LGR5: variants seen among roughly 807,000 people sequenced by gnomAD.
The protein encoded by LGR5 is leucine rich repeat containing G protein-coupled receptor 5.
In LGR5, 54 loss-of-function variants were observed where a neutral mutation model predicts 76.7. The ratio of observed to expected loss-of-function variants is 0.70; its 90% CI spans 0.57 to 0.88. LGR5 has a LOEUF of 0.88. Among genes scored for constraint, LGR5 ranks in the 40% least tolerant of loss-of-function variants. The pLI, the probability that LGR5 is intolerant of heterozygous loss-of-function variation, is 0.00. For synonymous variants in LGR5, 406 were observed against 421.9 expected (o/e 0.96, Z 0.46); for missense variants, 1,078 against 1,073.3 (o/e 1.00, Z -0.06).
intron 1 of LGR5, among the ~76,000 whole-genome samples, chr12:71,495,603 G>GT (rs1874277662): frequency 6.6e-6 from 1 of 151,208 alleles, no homozygotes; most frequent in Non-Finnish European, 1.5e-5. Context: ...TTATGAAGTA[G>GT]TTACTATTAT....
intron 6 of LGR5, 130 bp downstream of exon 6, chr12:71,556,820 T>C: frequency 2.8e-6 from 2 of 708,712 alleles, no homozygotes; most frequent in Non-Finnish European, 5.0e-6. Flanking sequence ...ATATTTACAG[T>C]GGCATTATCT....
At chr12:71,563,005 G>A (rs547175171) in intron 8 of LGR5, among the ~76,000 whole-genome samples, 12 of 152,192 alleles carry the variant, frequency 7.9e-5, no homozygotes, top group Non-Finnish European at 1.0e-4. Context: ...TCATTAGAGC[G>A]TATTTGCGTA....
intron 1 of LGR5, among the ~76,000 whole-genome samples, chr12:71,442,119 A>C (rs1871794896): frequency 6.6e-6 from 1 of 152,230 alleles, no homozygotes; most frequent in Non-Finnish European, 1.5e-5. Flanking sequence ...CATTCATTAT[A>C]AAATATGTTT....
intron 2 of LGR5, among the ~76,000 whole-genome samples, chr12:71,519,454 G>A (rs1366124776): frequency 6.6e-6 from 1 of 152,032 alleles, no homozygotes; most frequent in Admixed American, 6.6e-5. Context: ...AGCTCCATGA[G>A]GTCAGGGGCT....
intron 1 of LGR5, among the ~76,000 whole-genome samples, chr12:71,480,883 A>G (rs1041668010): frequency 2.6e-5 from 4 of 152,174 alleles, no homozygotes; most frequent in Admixed American, 1.3e-4. Flanking sequence ...CATAAAAGTG[A>G]TCAAGGTCTA....
chr12:71,530,233 G>A (rs67922475), intron 3 of LGR5, among the ~76,000 whole-genome samples: 14,429 of 151,844 alleles, frequency 0.095, 727 homozygotes, highest in Non-Finnish European at 0.11. Flanking sequence ...TAAAGGGAAC[G>A]TTGAATCCAA....
At chr12:71,562,522 C>T (rs1426508216) in intron 8 of LGR5, among the ~76,000 whole-genome samples, 3 of 152,160 alleles carry the variant, frequency 2.0e-5, no homozygotes, top group Non-Finnish European at 4.4e-5. Flanking sequence ...TTACAGTGAA[C>T]TATGATCATG....
At chr12:71,442,894 T>C (rs541810021) in intron 1 of LGR5, among the ~76,000 whole-genome samples, 30 of 152,358 alleles carry the variant, frequency 2.0e-4, no homozygotes, top group Non-Finnish European at 3.4e-4. Flanking sequence ...GATTTTCTTA[T>C]TTGAAGGAAT....
At chr12:71,517,562 G>A (rs1042038748) in intron 2 of LGR5, among the ~76,000 whole-genome samples, 2 of 152,224 alleles carry the variant, frequency 1.3e-5, no homozygotes, top group Non-Finnish European at 2.9e-5. Flanking sequence ...GCTACTTGAT[G>A]ATACTGTCAC....
chr12:71,500,068 G>A (rs1423746272), intron 1 of LGR5, among the ~76,000 whole-genome samples: 1 of 151,990 alleles, frequency 6.6e-6, no homozygotes, highest in Non-Finnish European at 1.5e-5. Context: ...TGGTGGGAAA[G>A]GGAAAAGTTA....
intron 1 of LGR5, among the ~76,000 whole-genome samples, chr12:71,447,281 A>G (rs1178918704): frequency 6.6e-6 from 1 of 152,234 alleles, no homozygotes; most frequent in Non-Finnish European, 1.5e-5. Flanking sequence ...AATCTGCATA[A>G]GTCATAGAAA....
chr12:71,494,093 G>A (rs1271868701), intron 1 of LGR5, among the ~76,000 whole-genome samples: 3 of 150,380 alleles, frequency 2.0e-5, no homozygotes, highest in Admixed American at 6.6e-5. Context: ...ACAGGCACCT[G>A]CCACCATGCC....
intron 3 of LGR5, among the ~76,000 whole-genome samples, chr12:71,525,282 A>G (rs1875935413): frequency 6.6e-6 from 1 of 152,184 alleles, no homozygotes; most frequent in South Asian, 2.1e-4. Context: ...CATAGGTTAA[A>G]AAAACAGTTT....
chr12:71,564,716 CATATATACATATATGTACACACACTG>C (rs1565761517), intron 8 of LGR5, among the ~76,000 whole-genome samples: 2 of 11,300 alleles, frequency 1.8e-4, no homozygotes, highest in Non-Finnish European at 2.7e-3. Flanking sequence ...TGTATATATA[CATATATACATATATGTACACACACTG>C]TATATATATA....
rs1876714962 is a variant in LGR5 at position 71,538,507 on chromosome 12, C to T, written c.428+3321C>T. Reference sequence around the variant, plus strand: ...GCACTCTCTGAGGATAGGACTCATGCATGCACTAGTGTTTTCTAACTGGCT... The same window carrying T: ...GCACTCTCTGAGGATAGGACTCATGTATGCACTAGTGTTTTCTAACTGGCT... On this transcript the variant is annotated intron_variant, in intron 4 of 17. Transcript: ENST00000266674. Among the ~76,000 whole-genome samples the T allele has an allele frequency of 2.0e-5, 3 of 151,932 alleles. No homozygotes were observed. The South Asian group carries it at 6.2e-4, about 32-fold the overall frequency.
At chr12:71,563,275 AC>A (rs984174911) in intron 8 of LGR5, among the ~76,000 whole-genome samples, 1 of 152,014 alleles carries the variant, frequency 6.6e-6, no homozygotes, top group Non-Finnish European at 1.5e-5. Context: ...CCAGTTGGCT[AC>A]CCACTCCTCA....
chr12:71,576,411 G>A (rs938619181), intron 13 of LGR5, among the ~76,000 whole-genome samples: 1 of 152,160 alleles, frequency 6.6e-6, no homozygotes, highest in Admixed American at 6.5e-5. Flanking sequence ...GCATGGAGAA[G>A]TGTTGCAGCC....
At chr12:71,449,871 T>C (rs1233249059) in intron 1 of LGR5, among the ~76,000 whole-genome samples, 1 of 152,204 alleles carries the variant, frequency 6.6e-6, no homozygotes, top group Non-Finnish European at 1.5e-5. Flanking sequence ...AAGCTGTATA[T>C]CTAAGGTCAC....
Position 71,583,801 on chromosome 12 carries a change from G to T in LGR5, c.1791G>T (p.Gly597=). 1.2e-6 allele frequency: 2 copies of T among 1,614,100 alleles called. No individual in the cohort carries two copies. Among genetic ancestry groups the T allele is most frequent in the Non-Finnish European group, 1.7e-6 (2 of 1,180,022 alleles). The change falls in exon 18 of 18, where the codon GGG becomes GGT. Residue 597 remains glycine (G), a synonymous_variant. Transcript: ENST00000266674. Reference sequence around the variant, plus strand: ...TTTCCCCCATTAAACTGTTAATTGGGGTCATCGCAGCAGTGAACATGCTCA... The same window carrying T: ...TTTCCCCCATTAAACTGTTAATTGGTGTCATCGCAGCAGTGAACATGCTCA... ...LYISPIKLLI[G]VIAAVNMLTG...
Sources: gnomAD v4.1 joint callset for allele counts (sites outside exome capture counted in the v4.1 genomes callset) on GRCh38, gnomAD v4.1.1 for gene constraint, MANE v1.5 for transcripts, NCBI Gene and HGNC (gene_info 2026-07-23, HGNC 2026-07-21) for gene names.